The following IMMP2L variants were observed in gnomAD, a reference collection of about 807,000 sequenced individuals.
IMMP2L encodes mitochondrial inner membrane protease subunit 2.
In IMMP2L, 18 loss-of-function variants were observed where a neutral mutation model predicts 19.3. The observed-to-expected ratio is 0.93, with a 90% CI of 0.64 to 1.38. The LOEUF (loss-of-function observed/expected upper bound fraction) is 1.38. Among genes scored for constraint, IMMP2L ranks in the 40% most tolerant of loss-of-function variants. The pLI, the probability that IMMP2L is intolerant of heterozygous loss-of-function variation, is 0.00. For synonymous variants in IMMP2L, 76 were observed against 73.0 expected (o/e 1.04, Z -0.21); for missense variants, 233 against 218.2 (o/e 1.07, Z -0.43).
chr7:110,907,059 G>T (rs796435132), intron 4 of IMMP2L, among the ~76,000 whole-genome samples: 1 of 152,094 alleles, frequency 6.6e-6, no homozygotes, highest in African/African-American at 2.4e-5. Flanking sequence ...GGCAGTGGGG[G>T]GGATGGGGGT....
chr7:110,763,050 C>T (rs1364112847), intron 5 of IMMP2L, among the ~76,000 whole-genome samples: 4 of 152,100 alleles, frequency 2.6e-5, no homozygotes, highest in Admixed American at 2.0e-4. Context: ...CAGGATGGAG[C>T]TTTTAGTGTG....
chr7:110,813,568 C>T (rs1410588439), intron 5 of IMMP2L, among the ~76,000 whole-genome samples: 1 of 151,860 alleles, frequency 6.6e-6, no homozygotes, highest in Admixed American at 6.6e-5. Flanking sequence ...GCTGGGACTA[C>T]AGACGCATGC....
chr7:110,998,126 G>A (rs1273716940), intron 3 of IMMP2L, among the ~76,000 whole-genome samples: 1 of 152,048 alleles, frequency 6.6e-6, no homozygotes, highest in Admixed American at 6.6e-5. Flanking sequence ...CAGGATATCT[G>A]GCTGGATGGT....
intron 5 of IMMP2L, among the ~76,000 whole-genome samples, chr7:110,795,786 C>A (rs1800825139): frequency 6.6e-6 from 1 of 151,998 alleles, no homozygotes; most frequent in Non-Finnish European, 1.5e-5. Context: ...TAGAAACCAG[C>A]TACTAAATCC....
chr7:110,783,157 CA>C (rs776384888), intron 5 of IMMP2L, among the ~76,000 whole-genome samples: 2 of 151,776 alleles, frequency 1.3e-5, no homozygotes, highest in East Asian at 3.9e-4. Flanking sequence ...ACTCAGCTAT[CA>C]GGGACCATAC....
rs1305532903 is a variant in IMMP2L, at chr7:110,727,390, C to A, written c.409-63669G>T. Among the ~76,000 whole-genome samples the A allele has an allele frequency of 6.8e-6, 1 of 147,424 alleles. No individual in the cohort carries two copies. The highest frequency in any genetic ancestry group is 1.5e-5 in the Non-Finnish European group (1 of 67,446). ...TGGATGACAGAGTGAGACTCTGTCT[C>A]TAAATAAATAAATAAATAAATAAAT... On this transcript the variant is annotated intron_variant, in intron 5 of 5. Transcript: ENST00000405709. The surrounding 1 kb of genome is among the most constrained non-coding windows in gnomAD (Gnocchi z 4.3).
chr7:110,868,270 T>C (rs1215859520), intron 5 of IMMP2L, among the ~76,000 whole-genome samples: 3 of 152,028 alleles, frequency 2.0e-5, no homozygotes, highest in African/African-American at 7.2e-5. Flanking sequence ...TTTCTTCGTT[T>C]TTCTTATTTC....
rs1801110063 is a variant in IMMP2L at position 111,124,863 on chromosome 7, A to G, written c.240-161298T>C. 4 of 1,611,060 alleles carry G rather than the reference A, an allele frequency of 2.5e-6. No homozygotes were observed. In the Admixed American group the frequency reaches 5.0e-5, roughly 20 times the overall value. ...AAAAAAGTACATCACTGAAAGTAAA[A>G]GCAACTGTTATAGGTTTACCAACAA... On this transcript the variant is annotated intron_variant, in intron 3 of 5. Transcript: ENST00000405709.
chr7:110,971,108 C>A (rs944674272), intron 3 of IMMP2L, among the ~76,000 whole-genome samples: 1 of 152,040 alleles, frequency 6.6e-6, no homozygotes, highest in Non-Finnish European at 1.5e-5. Flanking sequence ...GAGGTTGGGA[C>A]CTTTAAGTCA....
intron 3 of IMMP2L, among the ~76,000 whole-genome samples, chr7:111,283,360 A>G (rs914669282): frequency 6.6e-6 from 1 of 152,152 alleles, no homozygotes; most frequent in Non-Finnish European, 1.5e-5. Context: ...AAGAAAGAAG[A>G]AAACTACAGA....
chr7:110,998,110 G>C (rs1823237192), intron 3 of IMMP2L, among the ~76,000 whole-genome samples: 1 of 152,032 alleles, frequency 6.6e-6, no homozygotes, highest in South Asian at 2.1e-4. Context: ...TCCTTTCTCA[G>C]AATATCAGGA....
chr7:110,941,029 A>G (rs1040432756), intron 4 of IMMP2L, among the ~76,000 whole-genome samples: 1 of 152,204 alleles, frequency 6.6e-6, no homozygotes, highest in Non-Finnish European at 1.5e-5. Context: ...AATCACTACT[A>G]TTGAGAGTTA....
chr7:111,367,964 G>A (rs111625259), intron 3 of IMMP2L, among the ~76,000 whole-genome samples: 2,251 of 150,942 alleles, frequency 0.015, 27 homozygotes, highest in South Asian at 0.041. Flanking sequence ...TCTCCTCTTC[G>A]TTTTTCCTTT....
chr7:110,974,796 T>C (rs1373085334), intron 3 of IMMP2L, among the ~76,000 whole-genome samples: 2 of 152,186 alleles, frequency 1.3e-5, no homozygotes, highest in Non-Finnish European at 2.9e-5. Context: ...TGGACACTTA[T>C]TTTCAGATAT....
At chr7:111,338,782 G>A (rs1268458356) in intron 3 of IMMP2L, among the ~76,000 whole-genome samples, 2 of 152,046 alleles carry the variant, frequency 1.3e-5, no homozygotes, top group Non-Finnish European at 2.9e-5. Context: ...GAAAGAACTA[G>A]CAATAGAAAG....
At chr7:110,836,048 G>A (rs533594264) in intron 5 of IMMP2L, among the ~76,000 whole-genome samples, 179 of 152,212 alleles carry the variant, frequency 1.2e-3, no homozygotes, top group Non-Finnish European at 1.7e-3. Flanking sequence ...CCTGTGGTGA[G>A]TTAATAAGAT....
At chr7:110,939,315 CTG>C (rs1048345089) in intron 4 of IMMP2L, among the ~76,000 whole-genome samples, 15 of 145,192 alleles carry the variant, frequency 1.0e-4, no homozygotes, top group African/African-American at 3.6e-4. Context: ...TTCCAGAAAT[CTG>C]TGTTTTTCAG....
intron 4 of IMMP2L, among the ~76,000 whole-genome samples, chr7:110,917,641 G>A (rs989286989): frequency 3.9e-5 from 6 of 152,162 alleles, no homozygotes; most frequent in Non-Finnish European, 8.8e-5. Context: ...TTCTTTGCTT[G>A]CATGTACATT....
At chr7:111,539,745 A>T (rs1188380438) in intron 1 of IMMP2L, among the ~76,000 whole-genome samples, 2 of 152,186 alleles carry the variant, frequency 1.3e-5, no homozygotes, top group Non-Finnish European at 2.9e-5. Flanking sequence ...ACTGCCTTAA[A>T]GAATCAGCAG....
Sources: gnomAD v4.1 joint callset for allele counts (sites outside exome capture counted in the v4.1 genomes callset) on GRCh38, gnomAD v4.1.1 for gene constraint, Gnocchi (gnomAD v3.1) non-coding constraint, MANE v1.5 for transcripts, NCBI Gene and HGNC (gene_info 2026-07-23, HGNC 2026-07-21) for gene names.